The following TTC29 variants were observed in gnomAD, a reference collection of about 807,000 sequenced individuals.
TTC29 encodes tetratricopeptide repeat domain 29.
A neutral mutation model predicts 58.1 loss-of-function variants in TTC29; 49 were observed. The observed-to-expected ratio is 0.84, with a 90% CI of 0.67 to 1.07. TTC29 has a LOEUF of 1.07. Among genes scored for constraint, TTC29 ranks in the 50% least tolerant of loss-of-function variants. The pLI is 0.00. For synonymous variants in TTC29, 209 were observed against 196.8 expected (o/e 1.06, Z -0.52); for missense variants, 582 against 555.6 (o/e 1.05, Z -0.48).
intron 9 of TTC29, among the ~76,000 whole-genome samples, chr4:146,827,764 A>G (rs534051448): frequency 1.1e-3 from 160 of 152,324 alleles, no homozygotes; most frequent in Non-Finnish European, 1.6e-3. Context: ...TCTCTCAGTG[A>G]AATAAACAAC....
At chr4:146,899,838 T>C (rs984695) in intron 6 of TTC29, among the ~76,000 whole-genome samples, 32,157 of 152,166 alleles carry the variant, frequency 0.21, 4,018 homozygotes, top group Admixed American at 0.3. Context: ...CCTGACCACC[T>C]GCCCGTTGCC....
At chr4:146,901,544 T>C (rs1733149643) in intron 6 of TTC29, among the ~76,000 whole-genome samples, 1 of 152,226 alleles carries the variant, frequency 6.6e-6, no homozygotes, top group Non-Finnish European at 1.5e-5. Context: ...TAATTTCAGC[T>C]TCTTCCACTT....
Position 146,820,215 on chromosome 4 carries a change from C to A in TTC29, c.1011G>T (p.Leu337Phe). 1 of 1,612,654 alleles carries A rather than the reference C, an allele frequency of 6.2e-7. No homozygotes were observed. Among genetic ancestry groups the A allele is most frequent in the South Asian group, 1.1e-5 (1 of 91,060 alleles). ...QGEMTEAIKY[L>F]KKFVKIARNN... ...TTCTTGCAATTTTCACAAATTTTTT[C>A]AAGTATTTAATTGCTTCTGTCATCT... The change falls in exon 10 of 13, where the codon TTG becomes TTT. Residue 337 changes from leucine (L) to phenylalanine (F), a missense_variant. Leu to Phe is a conservative substitution (Grantham distance 22). Transcript: ENST00000325106.
At chr4:146,919,430 G>A (rs957368614) in intron 4 of TTC29, among the ~76,000 whole-genome samples, 4 of 150,806 alleles carry the variant, frequency 2.7e-5, no homozygotes, top group Admixed American at 1.3e-4. Flanking sequence ...ATAACAAGAA[G>A]AAACATGAGG....
chr4:146,839,410 T>C (rs1485362064), intron 8 of TTC29, among the ~76,000 whole-genome samples: 1 of 152,018 alleles, frequency 6.6e-6, no homozygotes, highest in Non-Finnish European at 1.5e-5. Context: ...GATTTGAGCA[T>C]TATACATTTT....
intron 6 of TTC29, among the ~76,000 whole-genome samples, chr4:146,876,273 C>G (rs1184796673): frequency 2.0e-5 from 3 of 152,248 alleles, no homozygotes; most frequent in Admixed American, 6.5e-5. Flanking sequence ...TCAATTGGTA[C>G]AGTAATAATA....
At chr4:146,753,094 C>T (rs1015908453) in intron 11 of TTC29, among the ~76,000 whole-genome samples, 9 of 151,992 alleles carry the variant, frequency 5.9e-5, no homozygotes, top group African/African-American at 2.2e-4. Flanking sequence ...CAAAAGAAAC[C>T]ACCATCAGAG....
intron 10 of TTC29, among the ~76,000 whole-genome samples, chr4:146,812,262 T>A (rs987487938): frequency 1.3e-5 from 2 of 152,158 alleles, no homozygotes; most frequent in African/African-American, 2.4e-5. Context: ...AATATCTAAT[T>A]GATATTCTAA....
chr4:146,860,083 C>T (rs1730128426), intron 8 of TTC29, among the ~76,000 whole-genome samples: 1 of 152,054 alleles, frequency 6.6e-6, no homozygotes, highest in African/African-American at 2.4e-5. Flanking sequence ...ATTAAATCTG[C>T]CAAGGTATTT....
At chr4:146,896,635 A>C (rs893710515) in intron 6 of TTC29, among the ~76,000 whole-genome samples, 1 of 152,112 alleles carries the variant, frequency 6.6e-6, no homozygotes, top group Admixed American at 6.6e-5. Context: ...TTATTGTCTC[A>C]TTTCCAATTA....
intron 11 of TTC29, among the ~76,000 whole-genome samples, chr4:146,765,504 C>T (rs6833886): frequency 1.3e-5 from 2 of 151,900 alleles, no homozygotes; most frequent in Non-Finnish European, 2.9e-5. Flanking sequence ...CTCAGCCCCA[C>T]GATTTAATTT....
intron 11 of TTC29, among the ~76,000 whole-genome samples, chr4:146,774,413 T>A (rs549848931): frequency 1.8e-4 from 28 of 152,044 alleles, no homozygotes; most frequent in African/African-American, 6.8e-4. Flanking sequence ...TCCCAGAGAC[T>A]CTGTTACATC....
chr4:146,738,293 A>C (rs139243117), intron 11 of TTC29, among the ~76,000 whole-genome samples: 241 of 152,364 alleles, frequency 1.6e-3, no homozygotes, highest in Non-Finnish European at 2.9e-3. Context: ...CCAATATTAC[A>C]TTAACAACTT....
chr4:146,758,963 C>A (rs1311897637), intron 11 of TTC29, among the ~76,000 whole-genome samples: 2 of 151,710 alleles, frequency 1.3e-5, no homozygotes, highest in Admixed American at 6.6e-5. Context: ...AAACCCACAC[C>A]CAAGAGAAGA....
intron 11 of TTC29, among the ~76,000 whole-genome samples, chr4:146,708,798 C>G (rs1035145459): frequency 6.6e-6 from 1 of 152,002 alleles, no homozygotes; most frequent in Admixed American, 6.6e-5. Context: ...TGTCCTATAT[C>G]CTTACCCTAT....
At chr4:146,914,407 T>C (rs1212331917) in intron 4 of TTC29, among the ~76,000 whole-genome samples, 2 of 152,204 alleles carry the variant, frequency 1.3e-5, no homozygotes, top group African/African-American at 4.8e-5. Flanking sequence ...AAAAAACTTT[T>C]ATGAATATTA....
rs886885876 is a variant in TTC29, at chr4:146,722,032, G to T, written c.1331-14481C>A. Among the ~76,000 whole-genome samples, 7 of 143,076 alleles carry T rather than the reference G, an allele frequency of 4.9e-5. No homozygotes were observed. In the South Asian group the frequency reaches 7.0e-4, roughly 14 times the overall value. 93.9% of individuals were successfully genotyped at this position (143,076 alleles called of 152,430 possible). A position where few individuals can be genotyped will look rare whatever the true frequency, so the allele number is the denominator to read the frequency against. On this transcript the variant is annotated intron_variant, in intron 11 of 12. Transcript: ENST00000325106. ...TACAACAATAACGTTCAAGCTGAGA[G>T]TCAAATCAAGAACAGAGTCCCATTC...
intron 11 of TTC29, among the ~76,000 whole-genome samples, chr4:146,778,985 AAAAAAAAAAAAAAAAAAAGAAAAGAAAAG>A (rs1748348339): frequency 1.6e-5 from 2 of 125,584 alleles, no homozygotes; most frequent in African/African-American, 3.4e-5. Context: ...GCAAAAAAAA[AAAAAAAAAAAAAAAAAAAGAAAAGAAAAG>A]AAAAAGAAAT....
intron 6 of TTC29, among the ~76,000 whole-genome samples, chr4:146,899,268 C>T (rs1469435741): frequency 1.3e-5 from 2 of 152,148 alleles, no homozygotes; most frequent in African/African-American, 4.8e-5. Flanking sequence ...GCTGGTGTTT[C>T]CCCAGTCATG....
Sources: allele counts gnomAD v4.1 joint callset (sites outside exome capture counted in the v4.1 genomes callset), GRCh38; gene constraint gnomAD v4.1.1; transcripts MANE v1.5; gene names NCBI Gene and HGNC (gene_info 2026-07-23, HGNC 2026-07-21).